CA1: variants seen among roughly 807,000 people sequenced by gnomAD.
The protein encoded by CA1 is carbonic anhydrase 1.
Under a neutral mutation model 28.8 loss-of-function variants are expected in CA1, and 27 were observed. The ratio of observed to expected loss-of-function variants is 0.94; its 90% CI spans 0.69 to 1.29. The LOEUF (loss-of-function observed/expected upper bound fraction) is 1.29, where lower values mean the gene tolerates loss of function less well. Among genes scored for constraint, CA1 ranks in the 50% most tolerant of loss-of-function variants. The pLI, the probability that CA1 is intolerant of heterozygous loss-of-function variation, is 0.00. For missense variants in CA1, 335 were observed against 310.5 expected (o/e 1.08, Z -0.59); for synonymous variants, 121 against 108.8 (o/e 1.11, Z -0.70).
chr8:85,358,327 A>T (rs1372685673), intron 1 of CA1, among the ~76,000 whole-genome samples: 1 of 151,522 alleles, frequency 6.6e-6, no homozygotes, highest in Non-Finnish European at 1.5e-5. Context: ...ACTTCATTTC[A>T]CTCTCCACTT....
chr8:85,359,851 A>G (rs1809728624), intron 1 of CA1, among the ~76,000 whole-genome samples: 1 of 152,230 alleles, frequency 6.6e-6, no homozygotes, highest in Non-Finnish European at 1.5e-5. Context: ...TGGGACATCC[A>G]GATACCCTGA....
At chr8:85,350,954 A>G (rs1215094181) in intron 1 of CA1, among the ~76,000 whole-genome samples, 1 of 152,162 alleles carries the variant, frequency 6.6e-6, no homozygotes, top group African/African-American at 2.4e-5. Context: ...TGTTCTTACA[A>G]TGCGATCTTT....
chr8:85,355,670 G>A (rs1310208727), intron 1 of CA1, among the ~76,000 whole-genome samples: 1 of 151,034 alleles, frequency 6.6e-6, no homozygotes, highest in Non-Finnish European at 1.5e-5. Flanking sequence ...CAAAGTAGGG[G>A]CATTATAGGC....
intron 5 of CA1, among the ~76,000 whole-genome samples, chr8:85,333,087 A>G (rs1585915067): frequency 6.6e-6 from 1 of 152,186 alleles, no homozygotes. Context: ...TTTGTAAGAA[A>G]AAATTCTCTT....
chr8:85,331,172 T>C (rs1444179276), intron 6 of CA1, among the ~76,000 whole-genome samples: 2 of 152,162 alleles, frequency 1.3e-5, no homozygotes, highest in Non-Finnish European at 2.9e-5. Flanking sequence ...TCCTTTTGAG[T>C]CAATTCCCTT....
rs57623488 is a variant in CA1, at chr8:85,331,450, A to AATTT, written c.513+1036_513+1039dup. Among the ~76,000 whole-genome samples, 1,201 of 150,926 alleles carry AATTT rather than the reference A, an allele frequency of 8.0e-3. 15 individuals carry two copies. The highest frequency in any genetic ancestry group is 0.027 in the African/African-American group (1,125 of 41,044). Reference sequence around the variant, plus strand: ...ACTTAGCCATCATTTTTCTTTTCAAAATTTATTTATTTATTTATTTATTTA... The same window carrying AATTT: ...ACTTAGCCATCATTTTTCTTTTCAAAATTTATTTATTTATTTATTTATTTATTTA... On this transcript the variant is annotated intron_variant, in intron 6 of 7. Coordinates refer to ENST00000523022, the MANE Select transcript of CA1 (RefSeq NM_001128831.4).
At chr8:85,355,263 C>T (rs1045403011) in intron 1 of CA1, among the ~76,000 whole-genome samples, 1 of 152,116 alleles carries the variant, frequency 6.6e-6, no homozygotes, top group South Asian at 2.1e-4. Context: ...CTGGTATACA[C>T]GAACACTGAG....
chr8:85,350,338 T>C (rs536629595), intron 1 of CA1, among the ~76,000 whole-genome samples: 11 of 152,310 alleles, frequency 7.2e-5, no homozygotes, highest in Admixed American at 5.9e-4. Context: ...CTGGAGAGGC[T>C]GCTTAGGCAA....
Position 85,329,861 on chromosome 8 carries a change from C to T in CA1, c.514-17G>A. On this transcript the variant is annotated splice_polypyrimidine_tract_variant and intron_variant, in intron 6 of 7. Transcript: ENST00000523022. ...TCGTTTGCCCTGGAAGAAAAGAATA[C>T]ATCATTACAGCATGATATAAAATAC... is the stretch of plus-strand genomic sequence containing the variant. 1.3e-6 allele frequency: 2 copies of T among 1,558,532 alleles called. No individual in the cohort carries two copies. The highest frequency in any genetic ancestry group is 1.7e-6 in the Non-Finnish European group (2 of 1,144,556).
chr8:85,328,117 C>G lies in CA1; in HGVS notation c.*443G>C, dbSNP rs1808246722. 1 of 157,116 alleles carries G rather than the reference C, an allele frequency of 6.4e-6. No individual in the cohort carries two copies. Among genetic ancestry groups the G allele is most frequent in the Non-Finnish European group, 1.4e-5 (1 of 71,412 alleles). 9.7% of individuals were successfully genotyped at this position (157,116 alleles called of 1,614,324 possible). ...TCCCAATATTTCATCTCCAGCTGCT[C>G]TTAGGTTGTTGTATTTGAAGCAAAA... On this transcript the variant is annotated 3_prime_UTR_variant, in exon 8 of 8. Transcript: ENST00000523022.
In CA1 at chr8:85,341,913, A is replaced by C. The variant is rs181768244; in HGVS notation, c.-24-254T>G. The C allele has an allele frequency of 1.2e-3, 401 of 340,064 alleles. 4 individuals carry two copies. Among genetic ancestry groups the C allele is most frequent in the African/African-American group, 7.2e-3 (343 of 47,668 alleles). 21.1% of individuals were successfully genotyped at this position (340,064 alleles called of 1,614,324 possible). A position where few individuals can be genotyped will look rare whatever the true frequency, so the allele number is the denominator to read the frequency against. On this transcript the variant is annotated intron_variant, in intron 1 of 7. Transcript: ENST00000523022. ...AATTATCAGATCCTAGATTTTATAA[A>C]GCCAAGTCCTGTTTCACTCATGTTA...
chr8:85,337,920 T>C, intron 3 of CA1: 1 of 402,764 alleles, frequency 2.5e-6, no homozygotes, highest in Admixed American at 3.6e-5. Flanking sequence ...TTCTTTTTAG[T>C]TGTTATATTT....
In CA1 at chr8:85,363,863, C is replaced by A. The variant is rs181859681; in HGVS notation, c.-25+14183G>T. Among the ~76,000 whole-genome samples, 736 of 152,336 alleles carry A rather than the reference C, an allele frequency of 4.8e-3. 3 individuals carry two copies. The highest frequency in any genetic ancestry group is 7.8e-3 in the Non-Finnish European group (529 of 68,036). ...CATTGCTTTGCATAAAAGGCAAACA[C>A]CACCACCTAGCAGGCAAGGGCCTCA... On this transcript the variant is annotated intron_variant, in intron 1 of 7. Coordinates refer to ENST00000523022, the MANE Select transcript of CA1 (RefSeq NM_001128831.4).
At position 85,371,881 on chromosome 8, in the gene CA1, T is replaced by A. The variant is rs551171362; in HGVS notation, c.-25+6165A>T. Among the ~76,000 whole-genome samples, 10 of 152,266 alleles carry A rather than the reference T, an allele frequency of 6.6e-5. No homozygotes were observed. In the South Asian group the frequency reaches 2.1e-3, roughly 32 times the overall value. ...TGGCTAAAAGAATTGTGGCCTGTCT[T>A]CTATGGATGATTTTAAGCTCAACCA... On this transcript the variant is annotated intron_variant, in intron 1 of 7. Coordinates refer to ENST00000523022, the MANE Select transcript of CA1 (RefSeq NM_001128831.4).
chr8:85,361,787 C>T (rs1302664756), intron 1 of CA1, among the ~76,000 whole-genome samples: 1 of 152,190 alleles, frequency 6.6e-6, no homozygotes, highest in Non-Finnish European at 1.5e-5. Flanking sequence ...ATGTGGATTG[C>T]ACCTCATCCT....
intron 5 of CA1, among the ~76,000 whole-genome samples, chr8:85,333,105 C>A (rs1808481381): frequency 6.6e-6 from 1 of 152,126 alleles, no homozygotes; most frequent in Non-Finnish European, 1.5e-5. Context: ...CTTACTATTT[C>A]TTTCCTAATG....
chr8:85,372,139 A>G (rs948525317), intron 1 of CA1, among the ~76,000 whole-genome samples: 2 of 152,186 alleles, frequency 1.3e-5, no homozygotes, highest in African/African-American at 4.8e-5. Context: ...TCATTTTACA[A>G]GCGAGGAAAC....
At chr8:85,334,119 A>G in intron 4 of CA1, among the ~76,000 whole-genome samples, 1 of 152,224 alleles carries the variant, frequency 6.6e-6, no homozygotes, top group East Asian at 1.9e-4. Context: ...CTAGATTTGT[A>G]CATCCAAGTA....
chr8:85,329,914 G>A (rs1175392045), intron 6 of CA1, 70 bp from the exon 7 acceptor site: 1 of 1,159,912 alleles, frequency 8.6e-7, no homozygotes, highest in Non-Finnish European at 1.3e-6. Context: ...ACATATATAT[G>A]CTATATTATC....
Sources: gnomAD v4.1 joint callset for allele counts (sites outside exome capture counted in the v4.1 genomes callset) on GRCh38, gnomAD v4.1.1 for gene constraint, MANE v1.5 for transcripts, NCBI Gene and HGNC (gene_info 2026-07-23, HGNC 2026-07-21) for gene names.